Variants in SRGAP1 observed in about 807,000 individuals in gnomAD.
The protein encoded by SRGAP1 is SLIT-ROBO Rho GTPase activating protein 1.
A neutral mutation model predicts 121.9 loss-of-function variants in SRGAP1; 43 were observed. That is an observed-to-expected ratio of 0.35 (90% CI 0.28 to 0.46). The LOEUF (loss-of-function observed/expected upper bound fraction) is 0.46. Ranked by LOEUF, SRGAP1 falls within the 20% of genes least tolerant of loss-of-function variation. SRGAP1 has a pLI of 1.00. For synonymous variants in SRGAP1, 447 were observed against 485.4 expected (o/e 0.92, Z 1.04); for missense variants, 1,102 against 1,350.9 (o/e 0.82, Z 2.89).
chr12:63,911,889 C>T (rs976998840), intron 1 of SRGAP1, among the ~76,000 whole-genome samples: 1 of 152,174 alleles, frequency 6.6e-6, no homozygotes, highest in Non-Finnish European at 1.5e-5. Context: ...ATAAGCTCTT[C>T]TCCATTGATT....
At chr12:64,121,153 A>G (rs557267789) in intron 18 of SRGAP1, among the ~76,000 whole-genome samples, 71 of 151,944 alleles carry the variant, frequency 4.7e-4, no homozygotes, top group African/African-American at 1.6e-3. Flanking sequence ...AACTGGGACC[A>G]TAGGCATGCA....
intron 1 of SRGAP1, among the ~76,000 whole-genome samples, chr12:63,848,580 T>C (rs930321521): frequency 1.3e-5 from 2 of 152,036 alleles, no homozygotes; most frequent in African/African-American, 4.8e-5. Context: ...AGTCTCACTC[T>C]GTCACCCAAG....
intron 4 of SRGAP1, among the ~76,000 whole-genome samples, chr12:64,029,902 C>T (rs546658970): frequency 2.3e-3 from 347 of 148,398 alleles, no homozygotes; most frequent in Admixed American, 4.3e-3. Context: ...AGCAAGACTC[C>T]GTCTCAAAAA....
chr12:63,938,780 A>G (rs556515851), intron 1 of SRGAP1, among the ~76,000 whole-genome samples: 1 of 151,884 alleles, frequency 6.6e-6, no homozygotes, highest in East Asian at 1.9e-4. Context: ...TTTAAGTTGA[A>G]TGAAAATTGA....
chr12:64,101,551 A>T (rs1324384594), intron 15 of SRGAP1, among the ~76,000 whole-genome samples: 1 of 152,312 alleles, frequency 6.6e-6, no homozygotes, highest in East Asian at 1.9e-4. Flanking sequence ...ACCAAATGCA[A>T]CATAAATTTG....
chr12:63,961,978 G>A (rs1017845438), intron 1 of SRGAP1, among the ~76,000 whole-genome samples: 1 of 152,158 alleles, frequency 6.6e-6, no homozygotes, highest in African/African-American at 2.4e-5. Context: ...AGGTGGAAAG[G>A]AGGAAATTAA....
At position 64,151,021 on chromosome 12, in the gene SRGAP1, G is replaced by GTT. The variant is rs2037115316; in HGVS notation, c.*8350_*8351dup. The GTT allele has an allele frequency of 7.2e-6, 1 of 139,232 alleles. No homozygotes were observed. Among genetic ancestry groups the GTT allele is most frequent in the Non-Finnish European group, 1.5e-5 (1 of 65,102 alleles). The allele number at this position is 139,232 out of a possible 1,614,324, so 8.6% of individuals were successfully genotyped here. A position where few individuals can be genotyped will look rare whatever the true frequency, so the allele number is the denominator to read the frequency against. On this transcript the variant is annotated 3_prime_UTR_variant, in exon 22 of 22. Coordinates refer to ENST00000355086, the MANE Select transcript of SRGAP1 (RefSeq NM_020762.4). ...ATTTTGGTCTGTAAGCCCAAAGATT[G>GTT]TTACTGTGTTAGTAACTAAATATTA...
At chr12:63,852,641 C>T (rs1342284382) in intron 1 of SRGAP1, among the ~76,000 whole-genome samples, 1 of 152,236 alleles carries the variant, frequency 6.6e-6, no homozygotes, top group East Asian at 1.9e-4. Flanking sequence ...GTCTCTACCT[C>T]TGTTCAGTGA....
rs2037174117 is a variant in SRGAP1 at position 64,157,643 on chromosome 12, TA to T, written c.*14976del. 1 of 152,280 alleles carries T rather than the reference TA, an allele frequency of 6.6e-6. No individual in the cohort carries two copies. The highest frequency in any genetic ancestry group is 2.4e-5 in the African/African-American group (1 of 41,558). The allele number at this position is 152,280 out of a possible 1,614,324, so 9.4% of individuals were successfully genotyped here. ...GATAGAAAAAAGAATAAAATGTCTT[TA>T]AAAATTTATATTTCAAGTGTGTGGG... On this transcript the variant is annotated 3_prime_UTR_variant, in exon 22 of 22. Transcript: ENST00000355086.
At chr12:63,877,540 A>C (rs1900067383) in intron 1 of SRGAP1, among the ~76,000 whole-genome samples, 2 of 152,212 alleles carry the variant, frequency 1.3e-5, no homozygotes, top group African/African-American at 4.8e-5. Flanking sequence ...CAAGCAAATA[A>C]AGTTGTTGGG....
At chr12:64,116,556 G>A (rs907834806) in intron 18 of SRGAP1, among the ~76,000 whole-genome samples, 2 of 152,006 alleles carry the variant, frequency 1.3e-5, no homozygotes, top group Admixed American at 6.5e-5. Flanking sequence ...TGTTCCTGAT[G>A]TTCATCTGTG....
At chr12:63,941,746 G>T (rs2031877211) in intron 1 of SRGAP1, among the ~76,000 whole-genome samples, 1 of 151,440 alleles carries the variant, frequency 6.6e-6, no homozygotes, top group Non-Finnish European at 1.5e-5. Flanking sequence ...GCATTTCCTT[G>T]ACTGATATAT....
intron 1 of SRGAP1, among the ~76,000 whole-genome samples, chr12:63,978,755 A>C (rs569008358): frequency 2.9e-4 from 44 of 152,346 alleles, no homozygotes; most frequent in African/African-American, 9.9e-4. Flanking sequence ...GGTAACTCTA[A>C]GTGTAATCTT....
intron 3 of SRGAP1, among the ~76,000 whole-genome samples, chr12:64,015,670 C>G (rs2034383425): frequency 6.6e-6 from 1 of 152,092 alleles, no homozygotes; most frequent in South Asian, 2.1e-4. Flanking sequence ...GGACTTGGGC[C>G]AGGACTAGGA....
chr12:64,091,916 C>T, intron 12 of SRGAP1: 1 of 1,535,818 alleles, frequency 6.5e-7, no homozygotes, highest in South Asian at 1.2e-5. Context: ...AACTCGCACA[C>T]AAGACATCAG....
chr12:64,088,048 C>G (rs916112619), intron 11 of SRGAP1, among the ~76,000 whole-genome samples: 4 of 152,184 alleles, frequency 2.6e-5, no homozygotes, highest in Admixed American at 1.3e-4. Flanking sequence ...AAATTGAGTT[C>G]TCTTTGAAAT....
intron 1 of SRGAP1, among the ~76,000 whole-genome samples, chr12:63,978,566 G>A (rs1386629861): frequency 6.6e-6 from 1 of 152,156 alleles, no homozygotes; most frequent in East Asian, 1.9e-4. Flanking sequence ...ACAGTATTGT[G>A]TTGTGTGGCT....
chr12:63,855,604 C>T (rs1899223248), intron 1 of SRGAP1, among the ~76,000 whole-genome samples: 1 of 145,412 alleles, frequency 6.9e-6, no homozygotes, highest in South Asian at 2.3e-4. Context: ...AATTCTCATG[C>T]CTCAGCTTCC....
Position 64,097,346 on chromosome 12 carries a change from A to G in SRGAP1, c.1784A>G (p.Glu595Gly), listed in dbSNP as rs762050708. 1 of 1,612,502 alleles carries G rather than the reference A, an allele frequency of 6.2e-7. No individual in the cohort carries two copies. The highest frequency in any genetic ancestry group is 1.1e-5 in the South Asian group (1 of 90,652). ...RGLENPLFPK[E>G]RFNDLISCIR... ...CTGGAAAACCCCCTCTTTCCTAAGGAAAGATTTAACGATCTGATTTCTTGT... is the reference window on the plus strand; with the variant it reads ...CTGGAAAACCCCCTCTTTCCTAAGGGAAGATTTAACGATCTGATTTCTTGT... Residue 595 changes from glutamate to glycine, a missense_variant, in exon 15 of 22, where the codon GAA (glutamate) becomes GGA (glycine). Transcript: ENST00000355086.
Sources: gnomAD v4.1 joint callset for allele counts (sites outside exome capture counted in the v4.1 genomes callset) on GRCh38, gnomAD v4.1.1 for gene constraint, MANE v1.5 for transcripts, NCBI Gene and HGNC (gene_info 2026-07-23, HGNC 2026-07-21) for gene names.